NALF1: variants seen among roughly 807,000 people sequenced by gnomAD.
NALF1 encodes NALCN channel auxiliary factor 1.
Under a neutral mutation model 48.4 loss-of-function variants are expected in NALF1, and 3 were observed. The observed-to-expected ratio is 0.06, with a 90% CI of 0.03 to 0.16. NALF1 has a LOEUF of 0.16. Among genes scored for constraint, NALF1 ranks in the 10% least tolerant of loss-of-function variants. The pLI, the probability that NALF1 is intolerant of heterozygous loss-of-function variation, is 1.00. For missense variants in NALF1, 526 were observed against 571.5 expected, an observed-to-expected ratio of 0.92 and a Z score of 0.81; for synonymous variants, 262 against 245.7, an observed-to-expected ratio of 1.07 and a Z score of -0.62.
At chr13:107,673,751 T>C (rs1416258918) in intron 1 of NALF1, among the ~76,000 whole-genome samples, 2 of 152,124 alleles carry the variant, frequency 1.3e-5, no homozygotes, top group Non-Finnish European at 2.9e-5. Flanking sequence ...GTGATCACTA[T>C]ACATTGCATG....
intron 1 of NALF1, among the ~76,000 whole-genome samples, chr13:107,284,923 A>G (rs992466789): frequency 2.0e-5 from 3 of 151,576 alleles, no homozygotes; most frequent in African/African-American, 4.9e-5. Context: ...TTTTTAAATG[A>G]TAGATTGACT....
At chr13:107,703,079 G>A (rs2138512889) in intron 1 of NALF1, among the ~76,000 whole-genome samples, 1 of 152,218 alleles carries the variant, frequency 6.6e-6, no homozygotes, top group African/African-American at 2.4e-5. Context: ...GGATTGCTGG[G>A]TCAAATGGTA....
intron 1 of NALF1, among the ~76,000 whole-genome samples, chr13:107,793,519 G>A (rs572271768): frequency 1.5e-4 from 23 of 152,116 alleles, no homozygotes; most frequent in African/African-American, 4.6e-4. Context: ...TATAATTTTC[G>A]CAAAGACACC....
chr13:107,260,849 A>C (rs530634631), intron 1 of NALF1, among the ~76,000 whole-genome samples: 1 of 152,284 alleles, frequency 6.6e-6, no homozygotes, highest in Non-Finnish European at 1.5e-5. Context: ...GGAGTTAAGG[A>C]GTTCTATAAG....
At chr13:107,392,439 T>C (rs1406567394) in intron 1 of NALF1, among the ~76,000 whole-genome samples, 1 of 152,090 alleles carries the variant, frequency 6.6e-6, no homozygotes, top group African/African-American at 2.4e-5. Flanking sequence ...TCATGCATCC[T>C]TTTCCTAACA....
At chr13:107,452,934 A>G (rs1884766671) in intron 1 of NALF1, among the ~76,000 whole-genome samples, 1 of 152,220 alleles carries the variant, frequency 6.6e-6, no homozygotes, top group African/African-American at 2.4e-5. Flanking sequence ...TAGGGCAGTA[A>G]TGAAATCTTA....
intron 1 of NALF1, among the ~76,000 whole-genome samples, chr13:107,628,823 G>C (rs1879755006): frequency 6.6e-6 from 1 of 152,136 alleles, no homozygotes; most frequent in Non-Finnish European, 1.5e-5. Flanking sequence ...CTAGACATCA[G>C]AGTAGTTCTG....
intron 1 of NALF1, among the ~76,000 whole-genome samples, chr13:107,538,730 G>A (rs1302198575): frequency 2.6e-5 from 4 of 152,058 alleles, no homozygotes; most frequent in East Asian, 1.9e-4. Flanking sequence ...GAAAACTTGA[G>A]AAAAATTGCT....
intron 2 of NALF1, among the ~76,000 whole-genome samples, chr13:107,196,200 C>T (rs1879388597): frequency 6.6e-6 from 1 of 152,142 alleles, no homozygotes; most frequent in African/African-American, 2.4e-5. Flanking sequence ...CTAATGGGTA[C>T]TAGGCTTAAT....
At chr13:107,242,445 C>T (rs1197378512) in intron 1 of NALF1, among the ~76,000 whole-genome samples, 1 of 152,246 alleles carries the variant, frequency 6.6e-6, no homozygotes, top group East Asian at 1.9e-4. Flanking sequence ...GAAGAACAGG[C>T]ACCTCTGGGA....
At chr13:107,812,687 T>C (rs1462202065) in intron 1 of NALF1, among the ~76,000 whole-genome samples, 1 of 152,184 alleles carries the variant, frequency 6.6e-6, no homozygotes, top group Non-Finnish European at 1.5e-5. Context: ...TATCAAGCCA[T>C]GGAGTCTGTT....
At chr13:107,195,803 C>T (rs948945422) in intron 2 of NALF1, among the ~76,000 whole-genome samples, 3 of 152,106 alleles carry the variant, frequency 2.0e-5, no homozygotes, top group Admixed American at 6.5e-5. Context: ...AAATATTATA[C>T]AAGAGAAAGA....
intron 1 of NALF1, among the ~76,000 whole-genome samples, chr13:107,480,433 C>A (rs1176783369): frequency 6.6e-6 from 1 of 152,116 alleles, no homozygotes; most frequent in African/African-American, 2.4e-5. Flanking sequence ...CAAATTGATT[C>A]TTCAGTAAAA....
chr13:107,255,208 T>C (rs564072756), intron 1 of NALF1, among the ~76,000 whole-genome samples: 1 of 152,332 alleles, frequency 6.6e-6, no homozygotes, highest in African/African-American at 2.4e-5. Context: ...AGTGGCAGTG[T>C]GCTGGCAGAA....
intron 1 of NALF1, among the ~76,000 whole-genome samples, chr13:107,385,635 G>A (rs1883518014): frequency 1.3e-5 from 2 of 150,988 alleles, no homozygotes; most frequent in African/African-American, 4.9e-5. Context: ...GGCAGTTTAA[G>A]TTCTTAGAAA....
At chr13:107,384,908 C>T (rs1883502521) in intron 1 of NALF1, among the ~76,000 whole-genome samples, 1 of 152,198 alleles carries the variant, frequency 6.6e-6, no homozygotes, top group African/African-American at 2.4e-5. Flanking sequence ...GTCAGGCTGC[C>T]TGAGTTAAAA....
At chr13:107,854,368 T>C (rs1880390542) in intron 1 of NALF1, among the ~76,000 whole-genome samples, 1 of 152,382 alleles carries the variant, frequency 6.6e-6, no homozygotes, top group African/African-American at 2.4e-5. Flanking sequence ...CATGAGGCCA[T>C]TGCCTGAGAA....
intron 2 of NALF1, among the ~76,000 whole-genome samples, chr13:107,178,876 C>T (rs1594056881): frequency 2.6e-5 from 4 of 151,740 alleles, no homozygotes; most frequent in Admixed American, 2.0e-4. Flanking sequence ...ACCCAGGAGG[C>T]GGAGCTTGCA....
intron 1 of NALF1, among the ~76,000 whole-genome samples, chr13:107,321,957 TA>T (rs1027873005): frequency 6.6e-6 from 1 of 152,256 alleles, no homozygotes; most frequent in Admixed American, 6.5e-5. Context: ...AATGGAGCCT[TA>T]ACCCCTTAGT....
Sources: gnomAD v4.1 joint callset for allele counts (sites outside exome capture counted in the v4.1 genomes callset) on GRCh38, gnomAD v4.1.1 for gene constraint, MANE v1.5 for transcripts, NCBI Gene and HGNC (gene_info 2026-07-23, HGNC 2026-07-21) for gene names.